Variants in MSANTD2 observed in about 807,000 individuals in gnomAD.
MSANTD2 encodes Myb/SANT DNA binding domain containing 2, also known as myb/SANT-like DNA-binding domain-containing protein 2.
A neutral mutation model predicts 52.6 loss-of-function variants in MSANTD2; 19 were observed. That is an observed-to-expected ratio of 0.36 (90% CI 0.25 to 0.53). The LOEUF is 0.53. MSANTD2 is among the 20% of genes least tolerant of loss of function. The probability of loss-of-function intolerance (pLI) is 0.91; values close to 1 mark genes in which losing one functional copy is unlikely to be tolerated. For synonymous variants in MSANTD2, 291 were observed against 289.7 expected (o/e 1.00, Z -0.04); for missense variants, 558 against 716.3 (o/e 0.78, Z 2.52).
At chr11:124,771,934 T>C (rs1272265276) in intron 3 of MSANTD2, among the ~76,000 whole-genome samples, 1 of 152,200 alleles carries the variant, frequency 6.6e-6, no homozygotes, top group Non-Finnish European at 1.5e-5. Flanking sequence ...ATGGCGTTCC[T>C]TACTTTCCCC....
chr11:124,768,104 G>T, intron 3 of MSANTD2, 76 bp from the exon 4 acceptor site: 1 of 1,401,836 alleles, frequency 7.1e-7, no homozygotes, highest in Non-Finnish European at 9.7e-7. Flanking sequence ...TGTGATGATG[G>T]AAATGTTCTG....
In MSANTD2 at chr11:124,767,933, T is replaced by C. The variant is rs1254648720; in HGVS notation, c.923A>G (p.His308Arg). Residue 308 changes from histidine (H) to arginine (R), a missense_variant, in exon 4 of 4, where the codon CAT becomes CGT. By Grantham distance (29) the His-to-Arg change is conservative. This residue lies in a region of MSANTD2 where 408 missense variants were observed against 573.6 expected (regional missense o/e 0.71). Coordinates refer to ENST00000374979, the MANE Select transcript of MSANTD2 (RefSeq NM_001308027.2). The surrounding 1 kb of genome is among the most constrained non-coding windows in gnomAD (Gnocchi z 6.5). Reference sequence around the variant, plus strand: ...AAAAATGGCCAGTTTATTAGAAAGATGGAGCCTTGAAAAGTCTGTCCAGCT... The same window carrying C: ...AAAAATGGCCAGTTTATTAGAAAGACGGAGCCTTGAAAAGTCTGTCCAGCT... ...FQSWTDFSRL[H>R]LSNKLAIFGI... is the part of the protein sequence containing the mutation. 1 of 1,614,244 alleles carries C rather than the reference T, an allele frequency of 6.2e-7. No individual in the cohort carries two copies. The highest frequency in any genetic ancestry group is 8.5e-7 in the Non-Finnish European group (1 of 1,180,038).
At chr11:124,784,037 G>T in intron 1 of MSANTD2, 1 of 985,088 alleles carries the variant, frequency 1.0e-6, no homozygotes, top group Non-Finnish European at 1.2e-6. Flanking sequence ...CAAGAATACA[G>T]GTCAAAAAAG....
chr11:124,775,066 G>A, intron 1 of MSANTD2, 92 bp from the exon 2 acceptor site: 1 of 1,183,150 alleles, frequency 8.5e-7, no homozygotes, highest in South Asian at 1.6e-5. Context: ...GACAGACACA[G>A]ACAGACAAAC....
intron 1 of MSANTD2, among the ~76,000 whole-genome samples, chr11:124,787,102 T>G (rs368145569): frequency 6.6e-6 from 1 of 152,242 alleles, no homozygotes; most frequent in Non-Finnish European, 1.5e-5. Flanking sequence ...CTCAATTGCC[T>G]GCACTCAGTA....
intron 1 of MSANTD2, among the ~76,000 whole-genome samples, chr11:124,781,391 G>T (rs1944961459): frequency 6.6e-6 from 1 of 152,204 alleles, no homozygotes; most frequent in Middle Eastern, 3.4e-3. Flanking sequence ...TATCGATATA[G>T]ATGCCAGATA....
intron 1 of MSANTD2, among the ~76,000 whole-genome samples, chr11:124,798,056 CAAG>C (rs1945551921): frequency 6.6e-6 from 1 of 151,858 alleles, no homozygotes; most frequent in African/African-American, 2.4e-5. Context: ...CTTCTAAACT[CAAG>C]AAGAGGTCAT....
intron 3 of MSANTD2, among the ~76,000 whole-genome samples, chr11:124,772,465 C>T (rs767217458): frequency 1.5e-4 from 23 of 152,100 alleles, no homozygotes; most frequent in Non-Finnish European, 2.8e-4. Context: ...TGGCTGGGTG[C>T]GGTGGCTCGC....
chr11:124,789,493 C>T (rs916723772), intron 1 of MSANTD2: 7 of 152,070 alleles, frequency 4.6e-5, no homozygotes, highest in Non-Finnish European at 1.0e-4. Context: ...TTTATGAATA[C>T]AGCCAAGAAC....
In MSANTD2 at chr11:124,796,035, A is replaced by G. The variant is rs74995885; in HGVS notation, c.510+3836T>C. ...GACAGACATCAAAATCAAACTTTGC[A>G]GCAATAAACAAATTTTCATATCTGA... On this transcript the variant is annotated intron_variant, in intron 1 of 3. Coordinates refer to ENST00000374979, the MANE Select transcript of MSANTD2 (RefSeq NM_001308027.2). Among the ~76,000 whole-genome samples, 198 of 152,366 alleles carry G rather than the reference A, an allele frequency of 1.3e-3. 2 individuals carry two copies. In the East Asian group the frequency reaches 0.022, roughly 17 times the overall value.
At chr11:124,795,626 C>T (rs1296919074) in intron 1 of MSANTD2, among the ~76,000 whole-genome samples, 1 of 152,196 alleles carries the variant, frequency 6.6e-6, no homozygotes, top group Non-Finnish European at 1.5e-5. Flanking sequence ...GATGTATGTA[C>T]ACAAGCTTCA....
intron 1 of MSANTD2, among the ~76,000 whole-genome samples, chr11:124,781,364 T>C (rs1944960003): frequency 6.6e-6 from 1 of 152,074 alleles, no homozygotes; most frequent in Non-Finnish European, 1.5e-5. Context: ...ACTTGATCAC[T>C]TATTGTCTGA....
At chr11:124,783,649 T>C (rs1465965292) in intron 1 of MSANTD2, 1 of 833,380 alleles carries the variant, frequency 1.2e-6, no homozygotes, top group East Asian at 1.2e-4. Flanking sequence ...TAAAAGAAAG[T>C]AAAAACAAAA....
rs571170609 is a variant in MSANTD2, at chr11:124,766,562, T to C, written c.*614A>G. ...TTTAAATGGCAACACAACTGTAAAG[T>C]TGGTACATCACAGAAACAAAGGTCT... is the stretch of plus-strand genomic sequence containing the variant. On this transcript the variant is annotated 3_prime_UTR_variant, in exon 4 of 4. Coordinates refer to ENST00000374979, the MANE Select transcript of MSANTD2 (RefSeq NM_001308027.2). 3.3e-5 allele frequency: 5 copies of C among 152,536 alleles called. No individual in the cohort carries two copies. The East Asian group carries it at 9.7e-4, about 29-fold the overall frequency. 9.4% of individuals were successfully genotyped at this position (152,536 alleles called of 1,614,324 possible).
At chr11:124,785,700 G>C (rs1945136323) in intron 1 of MSANTD2, among the ~76,000 whole-genome samples, 1 of 151,954 alleles carries the variant, frequency 6.6e-6, no homozygotes, top group Non-Finnish European at 1.5e-5. Context: ...AGCTGGGGGG[G>C]GACTAGCGTC....
intron 1 of MSANTD2, chr11:124,776,001 T>TGC (rs1202110668): frequency 3.3e-5 from 5 of 152,212 alleles, no homozygotes; most frequent in Admixed American, 1.3e-4. Flanking sequence ...TTAGTTAAGT[T>TGC]GCAACCAGTC....
intron 1 of MSANTD2, among the ~76,000 whole-genome samples, chr11:124,782,406 C>T (rs888006480): frequency 1.3e-5 from 2 of 152,058 alleles, no homozygotes; most frequent in African/African-American, 4.8e-5. Context: ...GAGCCATGAT[C>T]ACGCCACTGC....
At chr11:124,772,741 TCAAAAAAAAAAA>T (rs1400707420) in intron 3 of MSANTD2, among the ~76,000 whole-genome samples, 2 of 32,486 alleles carry the variant, frequency 6.2e-5, no homozygotes, top group African/African-American at 3.3e-4. Context: ...AGATTCCGTC[TCAAAAAAAAAAA>T]AAAAAAAAAA....
chr11:124,777,452 G>A (rs568868840), intron 1 of MSANTD2, among the ~76,000 whole-genome samples: 3 of 152,302 alleles, frequency 2.0e-5, no homozygotes, highest in South Asian at 2.1e-4. Context: ...AATCTCTGGC[G>A]ATAGACATGG....
Sources: allele counts gnomAD v4.1 joint callset (sites outside exome capture counted in the v4.1 genomes callset), GRCh38; gene constraint gnomAD v4.1.1; regional missense constraint gnomAD v4.1.1; non-coding constraint Gnocchi (gnomAD v3.1); transcripts MANE v1.5; gene names NCBI Gene and HGNC (gene_info 2026-07-23, HGNC 2026-07-21).